CYP2C18: variants seen among roughly 807,000 people sequenced by gnomAD.
The protein encoded by CYP2C18 is cytochrome P450 2C18.
Under a neutral mutation model 41.3 loss-of-function variants are expected in CYP2C18, and 38 were observed. The ratio of observed to expected loss-of-function variants is 0.92; its 90% CI spans 0.71 to 1.21. The LOEUF (loss-of-function observed/expected upper bound fraction) is 1.21. Ranked by LOEUF, CYP2C18 falls within the 50% of genes most tolerant of loss-of-function variation. The pLI is 0.00. For synonymous variants in CYP2C18, 236 were observed against 210.0 expected (o/e 1.12, Z -1.07); for missense variants, 635 against 591.4 (o/e 1.07, Z -0.77).
intron 4 of CYP2C18, among the ~76,000 whole-genome samples, chr10:94,697,397 GA>G (rs1847137862): frequency 6.6e-6 from 1 of 152,228 alleles, no homozygotes; most frequent in East Asian, 1.9e-4. Context: ...ATAAGTGAAG[GA>G]GAAATAAAAT....
Position 94,735,586 on chromosome 10 carries a change from G to C in CYP2C18, c.*142G>C, listed in dbSNP as rs1029680666. On this transcript the variant is annotated 3_prime_UTR_variant, in exon 9 of 9. Transcript: ENST00000285979. Reference sequence around the variant, plus strand: ...TCTTCCCATTCCCTCAAGATCCAATGAACATCCAACCTCCATTAAAGAGAG... The same window carrying C: ...TCTTCCCATTCCCTCAAGATCCAATCAACATCCAACCTCCATTAAAGAGAG... 3.8e-6 allele frequency: 3 copies of C among 798,490 alleles called. No homozygotes were observed. The highest frequency in any genetic ancestry group is 6.1e-6 in the Non-Finnish European group (3 of 493,494). 49.5% of individuals were successfully genotyped at this position (798,490 alleles called of 1,614,324 possible).
rs183938989 is a variant in CYP2C18, at chr10:94,700,716, T to C, written c.642+5639T>C. On this transcript the variant is annotated intron_variant, in intron 4 of 8. Coordinates refer to ENST00000285979, the MANE Select transcript of CYP2C18 (RefSeq NM_000772.3). ...ACAGAATGGGAGAAAATTTTTGCAATCTACTCATCTGACAAAAGGCTAATA... is the reference window on the plus strand; with the variant it reads ...ACAGAATGGGAGAAAATTTTTGCAACCTACTCATCTGACAAAAGGCTAATA... Among the ~76,000 whole-genome samples the C allele has an allele frequency of 3.0e-3, 461 of 152,240 alleles. 4 individuals are homozygous for C. The highest frequency in any genetic ancestry group is 0.011 in the African/African-American group (448 of 41,532).
In CYP2C18 at chr10:94,691,757, C is replaced by T. The variant is rs1007486673; in HGVS notation, c.482-3160C>T. Among the ~76,000 whole-genome samples the T allele has an allele frequency of 7.3e-4, 111 of 152,162 alleles. 2 individuals carry two copies. Among genetic ancestry groups the T allele is most frequent in the African/African-American group, 2.5e-3 (103 of 41,522 alleles). The stretch of plus-strand genomic sequence containing the variant: ...AAGAACAAAGCTGGAGGCATCACAC[C>T]ACCTGACTTCAAACTATACTACAAG... On this transcript the variant is annotated intron_variant, in intron 3 of 8. Coordinates refer to ENST00000285979, the MANE Select transcript of CYP2C18 (RefSeq NM_000772.3).
chr10:94,710,512 A>G (rs1847416884), intron 5 of CYP2C18, among the ~76,000 whole-genome samples: 2 of 152,230 alleles, frequency 1.3e-5, no homozygotes, highest in Admixed American at 6.5e-5. Context: ...ATAGATGAAC[A>G]TGGGATGTCT....
At chr10:94,694,681 G>A (rs79053633) in intron 3 of CYP2C18, among the ~76,000 whole-genome samples, 4,815 of 152,220 alleles carry the variant, frequency 0.032, 124 homozygotes, top group Middle Eastern at 0.13. Flanking sequence ...AAGAAAGGCA[G>A]TGCGGTAAAT....
At chr10:94,705,545 A>G (rs1003912863) in intron 4 of CYP2C18, among the ~76,000 whole-genome samples, 3 of 152,128 alleles carry the variant, frequency 2.0e-5, no homozygotes, top group African/African-American at 7.2e-5. Flanking sequence ...AAGCTTTTCT[A>G]CTGTTTTTAA....
intron 1 of CYP2C18, among the ~76,000 whole-genome samples, chr10:94,685,515 G>C (rs1045797576): frequency 6.6e-5 from 10 of 152,008 alleles, no homozygotes; most frequent in Non-Finnish European, 1.3e-4. Flanking sequence ...GTTTCTTTCA[G>C]TAGTTTTTAG....
chr10:94,735,141 A>C, intron 8 of CYP2C18, 122 bp from the exon 9 acceptor site: 1 of 977,894 alleles, frequency 1.0e-6, no homozygotes, highest in Non-Finnish European at 1.5e-6. Context: ...CCATCCTTCC[A>C]GTCATTCTGC....
At chr10:94,699,594 T>C (rs553624897) in intron 4 of CYP2C18, among the ~76,000 whole-genome samples, 2 of 152,226 alleles carry the variant, frequency 1.3e-5, no homozygotes, top group African/African-American at 4.8e-5. Flanking sequence ...CTCTCATCAC[T>C]CCTATTCAAC....
At chr10:94,724,317 T>C (rs769662458) in intron 6 of CYP2C18, 29 bp from the exon 7 acceptor site, 16 of 1,611,078 alleles carry the variant, frequency 9.9e-6, no homozygotes, top group Non-Finnish European at 1.3e-5. Flanking sequence ...TTCCTCCTTT[T>C]CCATCATTTC....
chr10:94,684,216 C>G (rs1169364092), intron 1 of CYP2C18, among the ~76,000 whole-genome samples: 1 of 152,070 alleles, frequency 6.6e-6, no homozygotes, highest in East Asian at 1.9e-4. Context: ...TTAAAATCCT[C>G]TTTTTTAGCT....
At chr10:94,719,279 GTTTA>G (rs930707148) in intron 5 of CYP2C18, among the ~76,000 whole-genome samples, 7 of 152,110 alleles carry the variant, frequency 4.6e-5, no homozygotes, top group South Asian at 2.1e-4. Flanking sequence ...CAAATAATGT[GTTTA>G]TTTATTTCAC....
intron 4 of CYP2C18, among the ~76,000 whole-genome samples, chr10:94,704,907 A>G (rs543953661): frequency 5.0e-4 from 76 of 152,284 alleles, no homozygotes; most frequent in African/African-American, 1.8e-3. Context: ...AGAAATGTCC[A>G]TTGCTTTTCC....
In CYP2C18 at chr10:94,721,870, T is replaced by A. The variant is rs546379591; in HGVS notation, c.961+1333T>A. ...CCATAGAATACTAGATGCAGATTTTTAAATCCCACACATAACAATTTTAAT... is the reference window on the plus strand; with the variant it reads ...CCATAGAATACTAGATGCAGATTTTAAAATCCCACACATAACAATTTTAAT... On this transcript the variant is annotated intron_variant, in intron 6 of 8. Coordinates refer to ENST00000285979, the MANE Select transcript of CYP2C18 (RefSeq NM_000772.3). 3.3e-5 allele frequency among the ~76,000 whole-genome samples: 5 copies of A among 152,096 alleles called. No homozygotes were observed. In the South Asian group the frequency reaches 1.0e-3, roughly 32 times the overall value.
chr10:94,684,815 G>T (rs1315239816), intron 1 of CYP2C18, among the ~76,000 whole-genome samples: 1 of 151,710 alleles, frequency 6.6e-6, no homozygotes, highest in Non-Finnish European at 1.5e-5. Flanking sequence ...CATACCCAAG[G>T]TTCACTTTAT....
intron 7 of CYP2C18, among the ~76,000 whole-genome samples, chr10:94,727,819 A>T (rs1847769155): frequency 6.6e-6 from 1 of 152,108 alleles, no homozygotes; most frequent in African/African-American, 2.4e-5. Flanking sequence ...CTACATTTTA[A>T]TCTATACATT....
chr10:94,701,060 A>G (rs1418400654), intron 4 of CYP2C18, among the ~76,000 whole-genome samples: 2 of 152,192 alleles, frequency 1.3e-5, no homozygotes, highest in Non-Finnish European at 2.9e-5. Flanking sequence ...AGTCAGTGTG[A>G]TGATTCCTCA....
intron 4 of CYP2C18, 139 bp downstream of exon 4, chr10:94,695,216 A>G (rs1847093339): frequency 4.1e-6 from 3 of 731,402 alleles, no homozygotes; most frequent in Non-Finnish European, 6.6e-6. Flanking sequence ...ATGGGTATAC[A>G]TGTGCCATGG....
At chr10:94,692,572 G>T (rs554572779) in intron 3 of CYP2C18, among the ~76,000 whole-genome samples, 129 of 152,282 alleles carry the variant, frequency 8.5e-4, no homozygotes, top group Non-Finnish European at 1.6e-3. Context: ...CACTGTTGGT[G>T]GGACTGTAAA....
Sources: gnomAD v4.1 joint callset for allele counts (sites outside exome capture counted in the v4.1 genomes callset) on GRCh38, gnomAD v4.1.1 for gene constraint, MANE v1.5 for transcripts, NCBI Gene and HGNC (gene_info 2026-07-23, HGNC 2026-07-21) for gene names.